UGGT2: variants seen among roughly 807,000 people sequenced by gnomAD.
UGGT2 encodes UDP-glucose:glycoprotein glucosyltransferase 2.
UGGT2 carries 180 observed loss-of-function variants against 192.1 expected under a neutral mutation model. That is an observed-to-expected ratio of 0.94 (90% confidence interval 0.83 to 1.06). The LOEUF is 1.06. UGGT2 is among the 50% of genes least tolerant of loss of function. UGGT2 has a pLI of 0.00. For missense variants in UGGT2, 1,849 were observed against 1,795.7 expected (o/e 1.03, Z -0.54); for synonymous variants, 580 against 591.0 (o/e 0.98, Z 0.27).
At position 95,894,619 on chromosome 13, in the gene UGGT2, G is replaced by A. The variant is rs1356702515; in HGVS notation, c.2798C>T (p.Ser933Phe). The change falls in exon 24 of 39, where the codon TCC becomes TTC. Residue 933 changes from serine (S) to phenylalanine (F), a missense_variant. Physicochemically the swap from Ser to Phe is radical, Grantham distance 155 (BLOSUM62 -2). Transcript: ENST00000376747. ...DFIMKVDALM[S>F]SVPKRASRYD... is the part of the protein sequence containing the mutation. ...TCGAGATGCACGCTTAGGCACAGAG[G>A]ACATAAGGGCATCAACTTTCATAAT... 1 of 1,611,802 alleles carries A rather than the reference G, an allele frequency of 6.2e-7. No individual in the cohort carries two copies. Among genetic ancestry groups the A allele is most frequent in the African/African-American group, 1.3e-5 (1 of 74,772 alleles).
intron 29 of UGGT2, among the ~76,000 whole-genome samples, chr13:95,870,845 G>T (rs1260864859): frequency 6.6e-6 from 1 of 152,224 alleles, no homozygotes; most frequent in African/African-American, 2.4e-5. Flanking sequence ...GATTATAGGT[G>T]ATGAGGCTCC....
chr13:96,024,332 G>C (rs1382932905), intron 2 of UGGT2, among the ~76,000 whole-genome samples: 2 of 152,080 alleles, frequency 1.3e-5, no homozygotes, highest in Non-Finnish European at 2.9e-5. Flanking sequence ...AGAACTCAAA[G>C]ACATAAAGGA....
chr13:95,999,370 T>C (rs2051725814), intron 5 of UGGT2, 63 bp from the exon 6 acceptor site: 2 of 1,429,110 alleles, frequency 1.4e-6, no homozygotes, highest in South Asian at 2.3e-5. Flanking sequence ...TGTTTTAAAG[T>C]CAGTACCACG....
chr13:95,867,520 C>G, intron 29 of UGGT2, 97 bp from the exon 30 acceptor site: 1 of 889,054 alleles, frequency 1.1e-6, no homozygotes. Context: ...AACGTAAGTC[C>G]AATAACACTA....
chr13:96,031,904 T>C lies in UGGT2; in HGVS notation c.226A>G (p.Ile76Val). 1.2e-6 allele frequency: 2 copies of C among 1,609,846 alleles called. No individual in the cohort carries two copies. The highest frequency in any genetic ancestry group is 2.2e-5 in the South Asian group (2 of 89,780). ...QFLETVQELA[I>V]YKQTESDYSY... ...TATCACCTACCTGTTTGCTTATAAA[T>C]TGCTAATTCTTGCACAGTTTCCAAA... The change falls in exon 2 of 39, where the codon ATT becomes GTT. Residue 76 changes from isoleucine to valine, a missense_variant. Ile to Val is a conservative substitution (Grantham distance 29). Coordinates refer to ENST00000376747, the MANE Select transcript of UGGT2 (RefSeq NM_020121.4).
At chr13:96,031,474 AT>A (rs1216814855) in intron 2 of UGGT2, among the ~76,000 whole-genome samples, 1 of 151,880 alleles carries the variant, frequency 6.6e-6, no homozygotes, top group Non-Finnish European at 1.5e-5. Flanking sequence ...TGGCCAATTT[AT>A]TTTATTTTTT....
chr13:95,945,048 T>C lies in UGGT2; in HGVS notation c.1677+1989A>G, dbSNP rs1031097663. Among the ~76,000 whole-genome samples the C allele has an allele frequency of 3.9e-5, 6 of 152,118 alleles. No homozygotes were observed. In the East Asian group the frequency reaches 7.7e-4, roughly 20 times the overall value. On this transcript the variant is annotated intron_variant, in intron 15 of 38. Transcript: ENST00000376747. ...TGGCTACCTTAGATTTCATTTGTGA[T>C]AGTCACCTTGTGTATAACTTTCTGT...
At chr13:96,023,434 A>G (rs975461607) in intron 3 of UGGT2, among the ~76,000 whole-genome samples, 195 bp downstream of exon 3, 34 of 152,124 alleles carry the variant, frequency 2.2e-4, no homozygotes, top group African/African-American at 7.7e-4. Context: ...CTTATCCCAA[A>G]TAACTATAAA....
intron 12 of UGGT2, among the ~76,000 whole-genome samples, chr13:95,954,354 CATG>C (rs1264551317): frequency 6.6e-6 from 1 of 152,170 alleles, no homozygotes; most frequent in Non-Finnish European, 1.5e-5. Context: ...TAGCTCAGGC[CATG>C]ATGGGAAGGG....
At chr13:96,043,306 C>T (rs1413745384) in intron 1 of UGGT2, among the ~76,000 whole-genome samples, 1 of 152,002 alleles carries the variant, frequency 6.6e-6, no homozygotes, top group Non-Finnish European at 1.5e-5. Context: ...CTTTTCCAGA[C>T]AAAAAAATGC....
chr13:95,908,556 CCCA>C (rs1172234654), intron 20 of UGGT2, among the ~76,000 whole-genome samples: 1 of 152,078 alleles, frequency 6.6e-6, no homozygotes, highest in Non-Finnish European at 1.5e-5. Flanking sequence ...TAGTTACAGT[CCCA>C]CCAACAGTGT....
chr13:95,975,754 C>T (rs2050917321), intron 10 of UGGT2, among the ~76,000 whole-genome samples: 1 of 152,008 alleles, frequency 6.6e-6, no homozygotes. Context: ...GGTTTATAAA[C>T]ATGTTTGGGT....
chr13:95,888,567 C>T (rs1236939244), intron 25 of UGGT2, among the ~76,000 whole-genome samples: 2 of 152,054 alleles, frequency 1.3e-5, no homozygotes, highest in Admixed American at 1.3e-4. Flanking sequence ...AGAAAGGATA[C>T]AGGCTTGATG....
At position 96,047,716 on chromosome 13, in the gene UGGT2, A is replaced by G. The variant is rs138499694; in HGVS notation, c.158+5439T>C. On this transcript the variant is annotated intron_variant, in intron 1 of 38. Transcript: ENST00000376747. ...CTCTGATAAAACAGACTTTAAACCA[A>G]CAAAGATCAGAAGAGACAAAGAAGG... Among the ~76,000 whole-genome samples, 483 of 152,340 alleles carry G rather than the reference A, an allele frequency of 3.2e-3. 1 individual carries two copies. Among genetic ancestry groups the G allele is most frequent in the Non-Finnish European group, 4.5e-3 (308 of 68,032 alleles).
At chr13:95,890,797 A>T in intron 25 of UGGT2, 65 bp downstream of exon 25, 1 of 1,282,598 alleles carries the variant, frequency 7.8e-7, no homozygotes, top group South Asian at 1.3e-5. Context: ...TTATATTTGA[A>T]AACAGACTTG....
intron 20 of UGGT2, among the ~76,000 whole-genome samples, chr13:95,919,627 C>A (rs554480694): frequency 2.6e-4 from 39 of 152,180 alleles, no homozygotes; most frequent in Non-Finnish European, 4.1e-4. Context: ...AATAAAATAC[C>A]TAGGAATATA....
chr13:95,958,231 A>G (rs2050271810), intron 12 of UGGT2, among the ~76,000 whole-genome samples: 1 of 151,912 alleles, frequency 6.6e-6, no homozygotes, highest in Non-Finnish European at 1.5e-5. Flanking sequence ...GGCTCACTGC[A>G]AGCTCCGCCT....
intron 5 of UGGT2, among the ~76,000 whole-genome samples, chr13:96,008,357 C>T (rs975805718): frequency 2.6e-5 from 4 of 152,138 alleles, no homozygotes; most frequent in African/African-American, 9.7e-5. Flanking sequence ...TCCTATTCAA[C>T]ATAGTCCTGA....
At position 95,902,517 on chromosome 13, in the gene UGGT2, T is replaced by G. The variant is rs7139680; in HGVS notation, c.2502+337A>C. Among the ~76,000 whole-genome samples, 415 of 150,298 alleles carry G rather than the reference T, an allele frequency of 2.8e-3. 2 individuals are homozygous for G. Among genetic ancestry groups the G allele is most frequent in the African/African-American group, 9.9e-3 (397 of 40,092 alleles). ...GATTGTTTCTTCAAGAGGATCATCG[T>G]TGAAACCCCCCCCATAATGGACCCC... On this transcript the variant is annotated intron_variant, in intron 21 of 38. Transcript: ENST00000376747.
Sources: gnomAD v4.1 joint callset for allele counts (sites outside exome capture counted in the v4.1 genomes callset) on GRCh38, gnomAD v4.1.1 for gene constraint, MANE v1.5 for transcripts, NCBI Gene and HGNC (gene_info 2026-07-23, HGNC 2026-07-21) for gene names.